The following FNDC3B variants were observed in gnomAD, a reference collection of about 807,000 sequenced individuals.
FNDC3B encodes fibronectin type III domain-containing protein 3B.
FNDC3B carries 12 observed loss-of-function variants against 151.5 expected under a neutral mutation model. The ratio of observed to expected loss-of-function variants is 0.08; its 90% confidence interval spans 0.05 to 0.13. FNDC3B has a LOEUF of 0.13. Among genes scored for constraint, FNDC3B ranks in the 10% least tolerant of loss-of-function variants. The pLI, the probability that FNDC3B is intolerant of heterozygous loss-of-function variation, is 1.00. For missense variants in FNDC3B, 1,214 were observed against 1,505.3 expected (o/e 0.81, Z 3.20); for synonymous variants, 528 against 549.0 (o/e 0.96, Z 0.54).
chr3:172,256,731 A>G (rs1035890201), intron 6 of FNDC3B, among the ~76,000 whole-genome samples: 2 of 152,206 alleles, frequency 1.3e-5, no homozygotes, highest in African/African-American at 4.8e-5. Flanking sequence ...CCCCTCAGAA[A>G]GCAGTTAGGT....
intron 23 of FNDC3B, among the ~76,000 whole-genome samples, chr3:172,366,121 C>T (rs1471925991): frequency 6.6e-6 from 1 of 152,056 alleles, no homozygotes; most frequent in Non-Finnish European, 1.5e-5. Flanking sequence ...TACTAACTTC[C>T]CTTAAGAGTA....
chr3:172,303,550 G>A (rs1210258833), intron 9 of FNDC3B, among the ~76,000 whole-genome samples: 2 of 152,176 alleles, frequency 1.3e-5, no homozygotes, highest in Non-Finnish European at 2.9e-5. Context: ...GATTTAAGCT[G>A]AAACAAATGT....
In FNDC3B at chr3:172,295,518, GTGTA is replaced by G; in HGVS notation, c.1001+8_1001+11del. ...GAAAATACAAGATAATTTACAGGTT[GTGTA>G]TGTTTCTATTGTTTTTCTTTGCTGC... On this transcript the variant is annotated splice_donor_5th_base_variant and intron_variant, in intron 8 of 25. Transcript: ENST00000415807. The G allele has an allele frequency of 6.2e-7, 1 of 1,611,610 alleles. No homozygotes were observed.
intron 7 of FNDC3B, among the ~76,000 whole-genome samples, chr3:172,290,173 G>T (rs1470316270): frequency 6.6e-6 from 1 of 152,154 alleles, no homozygotes; most frequent in Non-Finnish European, 1.5e-5. Context: ...CATATATTTT[G>T]CTTTGAGGTT....
chr3:172,123,413 G>T (rs532965654), intron 2 of FNDC3B, among the ~76,000 whole-genome samples: 1 of 151,788 alleles, frequency 6.6e-6, no homozygotes, highest in African/African-American at 2.4e-5. Context: ...TTGAGTTGGG[G>T]TCTCATCTTG....
chr3:172,043,471 C>T (rs370588457), intron 1 of FNDC3B, among the ~76,000 whole-genome samples: 1 of 152,120 alleles, frequency 6.6e-6, no homozygotes, highest in Non-Finnish European at 1.5e-5. Context: ...CTTAGCCTCT[C>T]CAGTAGCTGG....
chr3:172,111,952 C>T (rs1226773390), intron 1 of FNDC3B, among the ~76,000 whole-genome samples: 1 of 152,040 alleles, frequency 6.6e-6, no homozygotes, highest in Non-Finnish European at 1.5e-5. Flanking sequence ...TCCATCTTTG[C>T]CATATATTTT....
chr3:172,316,520 A>T, intron 11 of FNDC3B: 2 of 422,950 alleles, frequency 4.7e-6, no homozygotes, highest in South Asian at 3.4e-5. Flanking sequence ...ATTCTTGAAA[A>T]CTTGAGTAAA....
At chr3:172,278,932 C>T (rs1157968327) in intron 6 of FNDC3B, among the ~76,000 whole-genome samples, 2 of 151,776 alleles carry the variant, frequency 1.3e-5, no homozygotes, top group African/African-American at 2.4e-5. Context: ...GTCTCAAAAA[C>T]AAAACAAAAC....
intron 3 of FNDC3B, among the ~76,000 whole-genome samples, chr3:172,167,967 A>C (rs1435631429): frequency 6.6e-6 from 1 of 152,192 alleles, no homozygotes. Context: ...CACTGTTGTG[A>C]GATCATTTCG....
At chr3:172,337,196 TA>T (rs1375016688) in intron 15 of FNDC3B, 133 bp from the exon 16 acceptor site, 2 of 545,666 alleles carry the variant, frequency 3.7e-6, no homozygotes, top group Non-Finnish European at 6.4e-6. Context: ...GTTGGTGAAA[TA>T]AATTATTTTG....
chr3:172,233,530 C>T (rs958865661), intron 4 of FNDC3B, among the ~76,000 whole-genome samples: 1 of 152,194 alleles, frequency 6.6e-6, no homozygotes, highest in African/African-American at 2.4e-5. Flanking sequence ...AAAGCAGACA[C>T]CTCTGTGGAG....
At chr3:172,206,567 G>A (rs1340216510) in intron 3 of FNDC3B, among the ~76,000 whole-genome samples, 1 of 145,316 alleles carries the variant, frequency 6.9e-6, no homozygotes, top group African/African-American at 2.5e-5. Context: ...GCTGAGGCAT[G>A]AGAATCACGT....
rs371673412 is a variant in FNDC3B, at chr3:172,339,094, T to A, written c.1852+1693T>A. ...TAATGCCAAAAACAGAGAGCATTGA[T>A]AAAACTTTTACAAGCAAGCAGTGCT... is the stretch of plus-strand genomic sequence containing the variant. On this transcript the variant is annotated intron_variant, in intron 16 of 25. Coordinates refer to ENST00000415807, the MANE Select transcript of FNDC3B (RefSeq NM_022763.4). Among the ~76,000 whole-genome samples the A allele has an allele frequency of 1.2e-4, 18 of 152,190 alleles. No homozygotes were observed. The South Asian group carries it at 3.7e-3, about 32-fold the overall frequency.
At chr3:172,137,895 TAA>T (rs1721450661) in intron 3 of FNDC3B, among the ~76,000 whole-genome samples, 1 of 152,188 alleles carries the variant, frequency 6.6e-6, no homozygotes, top group Non-Finnish European at 1.5e-5. Context: ...TCAAAGTGTA[TAA>T]AGAGCTAATT....
In FNDC3B at chr3:172,273,631, T is replaced by G. The variant is rs145760328; in HGVS notation, c.791-12295T>G. 6.6e-5 allele frequency among the ~76,000 whole-genome samples: 10 copies of G among 152,308 alleles called. No homozygotes were observed. In the East Asian group the frequency reaches 1.9e-3, roughly 29 times the overall value. On this transcript the variant is annotated intron_variant, in intron 6 of 25. Coordinates refer to ENST00000415807, the MANE Select transcript of FNDC3B (RefSeq NM_022763.4). ...TCCAGTGGCTGCTAGGAAGGTCAAA[T>G]TAGGAACTTTTGTCTACAGATACAA...
intron 23 of FNDC3B, among the ~76,000 whole-genome samples, chr3:172,365,319 C>T (rs952559565): frequency 2.0e-5 from 3 of 152,138 alleles, no homozygotes; most frequent in Admixed American, 6.5e-5. Flanking sequence ...TACTCTTTAG[C>T]GTATGTGTTA....
intron 3 of FNDC3B, among the ~76,000 whole-genome samples, chr3:172,181,770 A>T (rs1477602773): frequency 5.6e-5 from 8 of 141,628 alleles, no homozygotes; most frequent in African/African-American, 1.8e-4. Flanking sequence ...CAGAGGTTGC[A>T]GTGAGCCGAG....
chr3:172,327,463 C>G (rs1248712206), intron 11 of FNDC3B, among the ~76,000 whole-genome samples: 1 of 152,130 alleles, frequency 6.6e-6, no homozygotes, highest in Non-Finnish European at 1.5e-5. Context: ...TGCAGTGGCG[C>G]GATCTCGGCT....
Sources: gnomAD v4.1 joint callset for allele counts (sites outside exome capture counted in the v4.1 genomes callset) on GRCh38, gnomAD v4.1.1 for gene constraint, MANE v1.5 for transcripts, NCBI Gene and HGNC (gene_info 2026-07-23, HGNC 2026-07-21) for gene names.